The following CGNL1 variants were observed in gnomAD, a reference collection of about 807,000 sequenced individuals.
The protein encoded by CGNL1 is cingulin-like protein 1.
A neutral mutation model predicts 141.2 loss-of-function variants in CGNL1; 132 were observed. That is an observed-to-expected ratio of 0.93 (90% CI 0.81 to 1.08). CGNL1 has a LOEUF of 1.08. Among genes scored for constraint, CGNL1 ranks in the 50% least tolerant of loss-of-function variants. The pLI is 0.00. For missense variants in CGNL1, 1,870 were observed against 1,588.6 expected (o/e 1.18, Z -3.01); for synonymous variants, 690 against 622.1 (o/e 1.11, Z -1.63).
At chr15:57,432,630 G>T (rs532726523) in intron 1 of CGNL1, among the ~76,000 whole-genome samples, 8 of 152,172 alleles carry the variant, frequency 5.3e-5, no homozygotes, top group Non-Finnish European at 1.5e-5. Flanking sequence ...CGGCGCAAGC[G>T]TGTCTGTGGT....
In CGNL1 at chr15:57,550,323, C is replaced by T. The variant is rs553551569; in HGVS notation, c.*2833C>T. The T allele has an allele frequency of 6.6e-6, 1 of 152,620 alleles. No homozygotes were observed. The highest frequency in any genetic ancestry group is 6.5e-5 in the Admixed American group (1 of 15,278). The allele number at this position is 152,620 out of a possible 1,614,324, so 9.5% of individuals were successfully genotyped here. A position where few individuals can be genotyped will look rare whatever the true frequency, so the allele number is the denominator to read the frequency against. On this transcript the variant is annotated 3_prime_UTR_variant, in exon 19 of 19. Coordinates refer to ENST00000281282, the MANE Select transcript of CGNL1 (RefSeq NM_032866.5). ...ACCTGGAACAAAGTGCAGATTAGTG[C>T]CCACGGTCCTTTCCAGGTATAACAT...
intron 1 of CGNL1, among the ~76,000 whole-genome samples, chr15:57,395,821 C>A (rs772105529): frequency 1.4e-4 from 22 of 152,174 alleles, no homozygotes; most frequent in Non-Finnish European, 2.8e-4. Flanking sequence ...CAAGACCATG[C>A]AGCTGGTAAG....
intron 1 of CGNL1, among the ~76,000 whole-genome samples, chr15:57,383,299 T>TTTTTTTTTTG (rs66786635): frequency 2.2e-4 from 21 of 96,102 alleles, no homozygotes; most frequent in Admixed American, 2.8e-4. Context: ...TTCCTTTTTT[T>TTTTTTTTTTG]TTTTTTGTTT....
chr15:57,461,821 A>G lies in CGNL1; in HGVS notation c.2332A>G (p.Met778Val). 2 of 1,614,034 alleles carry G rather than the reference A, an allele frequency of 1.2e-6. No homozygotes were observed. Among genetic ancestry groups the G allele is most frequent in the Non-Finnish European group, 8.5e-7 (1 of 1,179,992 alleles). The change falls in exon 8 of 19, where the codon ATG becomes GTG. Residue 778 changes from methionine (M) to valine (V), a missense_variant. Coordinates refer to ENST00000281282, the MANE Select transcript of CGNL1 (RefSeq NM_032866.5). Reference sequence around the variant, plus strand: ...AGAGGTTTCCAGCCATGATCAGGAGATGGACAAGCTGAAGGAGCAATATGA... The same window carrying G: ...AGAGGTTTCCAGCCATGATCAGGAGGTGGACAAGCTGAAGGAGCAATATGA... ...KEEVSSHDQEMDKLKEQYDAE... is the reference protein window; with the variant it reads ...KEEVSSHDQEVDKLKEQYDAE...
chr15:57,479,358 A>G (rs1305850724), intron 8 of CGNL1, among the ~76,000 whole-genome samples: 2 of 152,128 alleles, frequency 1.3e-5, no homozygotes, highest in African/African-American at 4.8e-5. Flanking sequence ...AATAGAAACA[A>G]TCAGCATTAG....
intron 8 of CGNL1, among the ~76,000 whole-genome samples, chr15:57,474,305 G>C (rs757773409): frequency 6.6e-6 from 1 of 152,058 alleles, no homozygotes; most frequent in Non-Finnish European, 1.5e-5. Flanking sequence ...TGTTATGCGG[G>C]AATAAACAAC....
intron 1 of CGNL1, among the ~76,000 whole-genome samples, chr15:57,404,257 C>T (rs2062691022): frequency 1.3e-5 from 2 of 152,222 alleles, no homozygotes; most frequent in African/African-American, 4.8e-5. Flanking sequence ...CCTCTTGAAA[C>T]ATCAGGGCAA....
At chr15:57,502,690 G>T (rs1595772159) in intron 8 of CGNL1, among the ~76,000 whole-genome samples, 1 of 152,318 alleles carries the variant, frequency 6.6e-6, no homozygotes. Flanking sequence ...TGATTATTTA[G>T]ATTTCACTTA....
At chr15:57,501,957 C>T (rs1432272389) in intron 8 of CGNL1, among the ~76,000 whole-genome samples, 1 of 152,126 alleles carries the variant, frequency 6.6e-6, no homozygotes, top group Non-Finnish European at 1.5e-5. Flanking sequence ...TTAGTTCAAG[C>T]CCCAGGTTTT....
At chr15:57,543,230 C>T (rs1451561013) in intron 14 of CGNL1, among the ~76,000 whole-genome samples, 7 of 97,560 alleles carry the variant, frequency 7.2e-5, no homozygotes, top group African/African-American at 2.5e-4. Context: ...CTCCACTTCC[C>T]TGTGTCCATC....
At chr15:57,472,646 GTC>G (rs1263057326) in intron 8 of CGNL1, among the ~76,000 whole-genome samples, 1 of 152,138 alleles carries the variant, frequency 6.6e-6, no homozygotes, top group African/African-American at 2.4e-5. Flanking sequence ...ACCTGTCCCT[GTC>G]TCTCCTGACT....
intron 1 of CGNL1, among the ~76,000 whole-genome samples, chr15:57,388,910 T>A (rs1241671365): frequency 6.6e-6 from 1 of 152,004 alleles, no homozygotes; most frequent in Non-Finnish European, 1.5e-5. Context: ...GAAGAAGGAG[T>A]CTGGCTGAAA....
chr15:57,474,477 G>A (rs997416858), intron 8 of CGNL1, among the ~76,000 whole-genome samples: 1 of 152,118 alleles, frequency 6.6e-6, no homozygotes, highest in Non-Finnish European at 1.5e-5. Context: ...TGAAGGAGGG[G>A]TGTCTTGTCC....
chr15:57,429,192 G>C (rs2063015136), intron 1 of CGNL1, among the ~76,000 whole-genome samples: 1 of 152,180 alleles, frequency 6.6e-6, no homozygotes, highest in South Asian at 2.1e-4. Flanking sequence ...AGTTTGAGTA[G>C]CTTTTCAGTG....
At chr15:57,524,537 C>T (rs560050946) in intron 11 of CGNL1, 44 bp from the exon 12 acceptor site, 2 of 1,554,412 alleles carry the variant, frequency 1.3e-6, no homozygotes, top group South Asian at 2.4e-5. Context: ...ACCCTGGTCT[C>T]AGAGCATCCC....
At chr15:57,478,614 TAG>T (rs1159188123) in intron 8 of CGNL1, among the ~76,000 whole-genome samples, 16 of 152,152 alleles carry the variant, frequency 1.1e-4, no homozygotes, top group African/African-American at 3.9e-4. Flanking sequence ...TAGATAGGCC[TAG>T]ACTGTGAAAG....
At chr15:57,402,408 T>G (rs1380160766) in intron 1 of CGNL1, among the ~76,000 whole-genome samples, 2 of 152,174 alleles carry the variant, frequency 1.3e-5, no homozygotes, top group African/African-American at 4.8e-5. Context: ...CAAGTAAACC[T>G]CTTTTCTTTA....
chr15:57,492,441 T>G (rs1302868741), intron 8 of CGNL1, among the ~76,000 whole-genome samples: 3 of 152,230 alleles, frequency 2.0e-5, no homozygotes, highest in Non-Finnish European at 2.9e-5. Context: ...TTTGCAACTT[T>G]GTTTATACAT....
chr15:57,438,781 G>GC lies in CGNL1; in HGVS notation c.785dup (p.His263ThrfsTer5). On this transcript the variant is annotated frameshift_variant, in exon 2 of 19. Coordinates refer to ENST00000281282, the MANE Select transcript of CGNL1 (RefSeq NM_032866.5). LOFTEE classifies it high-confidence loss of function. ...AGCGGGAGGCCCCTGACTGCCCACA[G>GC]CCCACATGCCCACCCTGAAACCAAG... 1 of 1,614,128 alleles carries GC rather than the reference G, an allele frequency of 6.2e-7. No homozygotes were observed. The highest frequency in any genetic ancestry group is 2.2e-5 in the East Asian group (1 of 44,868).
Sources: gnomAD v4.1 joint callset for allele counts (sites outside exome capture counted in the v4.1 genomes callset) on GRCh38, gnomAD v4.1.1 for gene constraint, MANE v1.5 for transcripts, NCBI Gene and HGNC (gene_info 2026-07-23, HGNC 2026-07-21) for gene names.